RBFOX1: variants seen among roughly 807,000 people sequenced by gnomAD.
RBFOX1 encodes RNA binding fox-1 homolog 1.
In RBFOX1, 8 loss-of-function variants were observed where a neutral mutation model predicts 57.7. The observed-to-expected ratio is 0.14, with a 90% CI of 0.08 to 0.25. The LOEUF (loss-of-function observed/expected upper bound fraction) is 0.25. RBFOX1 is among the 10% of genes least tolerant of loss of function. The pLI, the probability that RBFOX1 is intolerant of heterozygous loss-of-function variation, is 1.00. For missense variants in RBFOX1, 611 were observed against 548.5 expected, an observed-to-expected ratio of 1.11 and a Z score of -1.14; for synonymous variants, 326 against 222.4, an observed-to-expected ratio of 1.47 and a Z score of -4.15.
intron 4 of RBFOX1, among the ~76,000 whole-genome samples, chr16:7,176,546 G>A (rs62013928): frequency 0.01 from 1,586 of 152,258 alleles, 12 homozygotes; most frequent in Non-Finnish European, 0.019. Flanking sequence ...GTGGAACACA[G>A]CCACACCCCT....
rs117125157 is a variant in RBFOX1, at chr16:7,159,510, C to T, written c.27+107412C>T. Reference sequence around the variant, plus strand: ...GGGACTAGTGATAGGCTGGAAATCACGCTCCATGCGCTAGGACTATAGCTT... The same window carrying T: ...GGGACTAGTGATAGGCTGGAAATCATGCTCCATGCGCTAGGACTATAGCTT... On this transcript the variant is annotated intron_variant, in intron 4 of 15. Transcript: ENST00000550418. 3.4e-3 allele frequency among the ~76,000 whole-genome samples: 518 copies of T among 152,294 alleles called. 2 individuals are homozygous for T. Among genetic ancestry groups the T allele is most frequent in the Middle Eastern group, 0.014 (4 of 294 alleles).
chr16:6,020,196 G>A (rs947103554), intron 1 of RBFOX1, among the ~76,000 whole-genome samples: 1 of 152,018 alleles, frequency 6.6e-6, no homozygotes, highest in African/African-American at 2.4e-5. Context: ...CCGAGACCCT[G>A]AGCCCCCTTG....
At chr16:6,807,626 G>A (rs893285756) in intron 3 of RBFOX1, among the ~76,000 whole-genome samples, 2 of 152,044 alleles carry the variant, frequency 1.3e-5, no homozygotes, top group African/African-American at 2.4e-5. Context: ...GACCAGCCTG[G>A]CGAGCATGGT....
intron 3 of RBFOX1, among the ~76,000 whole-genome samples, chr16:7,034,841 C>CTTTTCTTTTTT (rs2043859259): frequency 2.6e-5 from 1 of 39,162 alleles, no homozygotes; most frequent in African/African-American, 1.2e-4. Flanking sequence ...TTTTTTTTTT[C>CTTTTCTTTTTT]TTTTTTCTTT....
intron 4 of RBFOX1, among the ~76,000 whole-genome samples, chr16:7,174,770 ACT>A (rs2081333916): frequency 6.6e-6 from 1 of 152,182 alleles, no homozygotes; most frequent in Admixed American, 6.5e-5. Flanking sequence ...ACAAAGCGAG[ACT>A]CAGTCTCAAA....
intron 3 of RBFOX1, among the ~76,000 whole-genome samples, chr16:5,784,235 C>A (rs571257302): frequency 1.3e-5 from 2 of 152,056 alleles, no homozygotes; most frequent in Non-Finnish European, 2.9e-5. Context: ...TCCTGGCTAA[C>A]GTGGTGAAAC....
chr16:6,567,365 C>G (rs2097281506), intron 2 of RBFOX1, among the ~76,000 whole-genome samples: 1 of 152,170 alleles, frequency 6.6e-6, no homozygotes, highest in Non-Finnish European at 1.5e-5. Flanking sequence ...GAAGATTATA[C>G]AACTACTGAG....
intron 1 of RBFOX1, among the ~76,000 whole-genome samples, chr16:6,111,667 G>C (rs2096448190): frequency 6.6e-6 from 1 of 152,208 alleles, no homozygotes; most frequent in South Asian, 2.1e-4. Flanking sequence ...AGACTGTGAT[G>C]ATGAAGGCAG....
intron 2 of RBFOX1, among the ~76,000 whole-genome samples, chr16:6,550,556 C>A (rs1478858384): frequency 6.6e-6 from 1 of 152,062 alleles, no homozygotes; most frequent in East Asian, 1.9e-4. Flanking sequence ...GGACTCCTGA[C>A]CTCAAGTGAT....
chr16:7,680,603 A>T (rs903065440), intron 14 of RBFOX1, among the ~76,000 whole-genome samples: 1 of 151,934 alleles, frequency 6.6e-6, no homozygotes, highest in African/African-American at 2.4e-5. Flanking sequence ...GTAAAGATCC[A>T]TGAAAGCCAA....
At chr16:6,113,647 C>T (rs1036946110) in intron 1 of RBFOX1, among the ~76,000 whole-genome samples, 2 of 152,152 alleles carry the variant, frequency 1.3e-5, no homozygotes, top group African/African-American at 4.8e-5. Flanking sequence ...AAGGGCAAGA[C>T]TAAGGACACC....
chr16:6,861,746 C>T (rs1242450036), intron 3 of RBFOX1, among the ~76,000 whole-genome samples: 3 of 151,540 alleles, frequency 2.0e-5, no homozygotes, highest in Non-Finnish European at 4.4e-5. Flanking sequence ...TATTTGAAAA[C>T]CCTATTGATA....
chr16:5,723,802 G>A (rs2151541189), intron 3 of RBFOX1, among the ~76,000 whole-genome samples: 1 of 152,336 alleles, frequency 6.6e-6, no homozygotes, highest in South Asian at 2.1e-4. Flanking sequence ...AGCAGTGGAG[G>A]TCTCATGGAC....
intron 4 of RBFOX1, among the ~76,000 whole-genome samples, chr16:7,431,694 C>T (rs1469718411): frequency 1.3e-5 from 2 of 152,190 alleles, no homozygotes; most frequent in African/African-American, 4.8e-5. Context: ...ATTAAGCTGT[C>T]CCTCTCCATT....
chr16:6,740,785 C>T (rs1002326802), intron 3 of RBFOX1, among the ~76,000 whole-genome samples: 3 of 152,166 alleles, frequency 2.0e-5, no homozygotes, highest in Non-Finnish European at 2.9e-5. Context: ...GTAAAGATGC[C>T]ATTTCTGCTC....
intron 3 of RBFOX1, among the ~76,000 whole-genome samples, chr16:6,769,780 C>T (rs1442968163): frequency 2.0e-5 from 3 of 152,180 alleles, no homozygotes; most frequent in East Asian, 1.9e-4. Context: ...TCTAAACTTA[C>T]CTCTAGAAAA....
intron 1 of RBFOX1, among the ~76,000 whole-genome samples, chr16:6,300,982 C>G (rs919270114): frequency 6.6e-6 from 1 of 151,994 alleles, no homozygotes; most frequent in African/African-American, 2.4e-5. Context: ...CAGAAAGTGC[C>G]AAATGGATTA....
At chr16:5,891,176 G>C (rs754452804) in intron 4 of RBFOX1, among the ~76,000 whole-genome samples, 1 of 150,746 alleles carries the variant, frequency 6.6e-6, no homozygotes, top group Non-Finnish European at 1.5e-5. Flanking sequence ...TGCACAAAGG[G>C]CTTCAGAAAG....
intron 3 of RBFOX1, among the ~76,000 whole-genome samples, chr16:6,693,125 CCAT>C (rs1568240294): frequency 2.6e-5 from 4 of 150,972 alleles, no homozygotes; most frequent in East Asian, 2.0e-4. Context: ...CCCACCATCA[CCAT>C]CATCATCACC....
Sources: gnomAD v4.1 joint callset for allele counts (sites outside exome capture counted in the v4.1 genomes callset) on GRCh38, gnomAD v4.1.1 for gene constraint, MANE v1.5 for transcripts, NCBI Gene and HGNC (gene_info 2026-07-23, HGNC 2026-07-21) for gene names.